Variants in OR9Q1 observed in about 807,000 individuals in gnomAD.
OR9Q1 encodes olfactory receptor family 9 subfamily Q member 1.
For missense variants in OR9Q1, 374 were observed against 378.8 expected (o/e 0.99, Z 0.11); for synonymous variants, 153 against 148.6 (o/e 1.03, Z -0.22).
intron 2 of OR9Q1, among the ~76,000 whole-genome samples, chr11:58,094,416 A>G (rs1565074451): frequency 6.6e-6 from 1 of 152,160 alleles, no homozygotes; most frequent in Non-Finnish European, 1.5e-5. Flanking sequence ...AAAATTACAC[A>G]TGTACCTTTT....
At chr11:58,060,949 G>C (rs950294520) in intron 2 of OR9Q1, among the ~76,000 whole-genome samples, 6 of 152,074 alleles carry the variant, frequency 3.9e-5, no homozygotes, top group Non-Finnish European at 8.8e-5. Context: ...TGGGATCATC[G>C]CCTTTGTCAC....
chr11:58,025,577 G>C (rs1002911894), intron 1 of OR9Q1, among the ~76,000 whole-genome samples: 1 of 152,182 alleles, frequency 6.6e-6, no homozygotes, highest in Non-Finnish European at 1.5e-5. Flanking sequence ...GGGGGGAAGA[G>C]GAGTAGAATT....
intron 2 of OR9Q1, among the ~76,000 whole-genome samples, chr11:58,067,757 G>A (rs750970065): frequency 3.9e-5 from 6 of 152,174 alleles, no homozygotes; most frequent in Non-Finnish European, 8.8e-5. Flanking sequence ...GTGTGGAGAG[G>A]TGGGGTGATT....
At chr11:58,106,786 C>G (rs1266204630) in intron 2 of OR9Q1, among the ~76,000 whole-genome samples, 1 of 152,112 alleles carries the variant, frequency 6.6e-6, no homozygotes, top group East Asian at 1.9e-4. Flanking sequence ...GCACCTTTGT[C>G]AAAGATCAGT....
chr11:58,171,122 T>G (rs1198039486), intron 2 of OR9Q1: 2 of 152,198 alleles, frequency 1.3e-5, no homozygotes, highest in Admixed American at 1.3e-4. Context: ...AAATCCTAGA[T>G]AGTAATAGAT....
At chr11:58,101,998 G>T (rs1853788537) in intron 2 of OR9Q1, among the ~76,000 whole-genome samples, 1 of 151,982 alleles carries the variant, frequency 6.6e-6, no homozygotes, top group African/African-American at 2.4e-5. Flanking sequence ...CACCCCCCTT[G>T]GCTTCCCAAA....
At chr11:58,074,169 CT>C (rs1394802112) in intron 2 of OR9Q1, among the ~76,000 whole-genome samples, 1 of 152,104 alleles carries the variant, frequency 6.6e-6, no homozygotes, top group Non-Finnish European at 1.5e-5. Flanking sequence ...ATTTATCATC[CT>C]TTGGGTATAT....
intron 2 of OR9Q1, among the ~76,000 whole-genome samples, chr11:58,100,307 C>T (rs879309401): frequency 6.6e-6 from 1 of 152,332 alleles, no homozygotes; most frequent in Non-Finnish European, 1.5e-5. Flanking sequence ...AATGGCAACA[C>T]ATACCCTTAA....
At chr11:58,097,473 AC>A (rs1332714519) in intron 2 of OR9Q1, among the ~76,000 whole-genome samples, 1 of 152,240 alleles carries the variant, frequency 6.6e-6, no homozygotes, top group African/African-American at 2.4e-5. Flanking sequence ...TGGAAGCCAT[AC>A]GAAGAAACTG....
At chr11:58,055,625 C>T (rs550004673) in intron 1 of OR9Q1, among the ~76,000 whole-genome samples, 93 of 151,812 alleles carry the variant, frequency 6.1e-4, no homozygotes, top group Non-Finnish European at 1.2e-3. Context: ...ATAGTGAAAC[C>T]CCATGTTTGC....
chr11:58,134,084 CTCT>C (rs1010384457), intron 2 of OR9Q1, among the ~76,000 whole-genome samples: 3 of 152,172 alleles, frequency 2.0e-5, no homozygotes, highest in Non-Finnish European at 4.4e-5. Flanking sequence ...GGCTGAGAAG[CTCT>C]AAGGAGGTTA....
chr11:58,056,970 A>G (rs188228885), intron 2 of OR9Q1, among the ~76,000 whole-genome samples: 68 of 145,048 alleles, frequency 4.7e-4, no homozygotes, highest in Admixed American at 5.6e-4. Context: ...TAAGGCTTCC[A>G]TGGTTATACA....
intron 2 of OR9Q1, among the ~76,000 whole-genome samples, chr11:58,177,977 A>T (rs1168686110): frequency 6.6e-6 from 1 of 152,182 alleles, no homozygotes; most frequent in Non-Finnish European, 1.5e-5. Context: ...GAGGTGTTCT[A>T]GGCAGAAGGG....
At position 58,179,704 on chromosome 11, in the gene OR9Q1, A is replaced by C; in HGVS notation, c.260A>C (p.Glu87Ala). 1 of 1,614,136 alleles carries C rather than the reference A, an allele frequency of 6.2e-7. No individual in the cohort carries two copies. Among genetic ancestry groups the C allele is most frequent in the Admixed American group, 1.7e-5 (1 of 60,016 alleles). The change falls in exon 3 of 3, where the codon GAG becomes GCG. Residue 87 changes from glutamate (E) to alanine (A), a missense_variant. By Grantham distance (107) the Glu-to-Ala change is moderately radical. Coordinates refer to ENST00000335397, the MANE Select transcript of OR9Q1 (RefSeq NM_001005212.4). ...CCCCAGATGCTGGCAGTGCTGCTGGAGCATGGGGCAGCTTTATCTTACACA... is the reference window on the plus strand; with the variant it reads ...CCCCAGATGCTGGCAGTGCTGCTGGCGCATGGGGCAGCTTTATCTTACACA... ...TVPQMLAVLL[E>A]HGAALSYTRC...
chr11:58,054,378 A>G (rs1853306411), intron 1 of OR9Q1, among the ~76,000 whole-genome samples: 1 of 152,040 alleles, frequency 6.6e-6, no homozygotes, highest in Non-Finnish European at 1.5e-5. Context: ...CTTTCCTTCT[A>G]CTGTTCTTTT....
rs141758507 is a variant in OR9Q1, at chr11:58,126,942, ATATTGT to A, written c.-14-52474_-14-52469del. The stretch of plus-strand genomic sequence containing the variant: ...ATAATCATTACTATTGTTATCTTTA[ATATTGT>A]TATTGTTATTGTTAAGCATTTCACC... On this transcript the variant is annotated intron_variant, in intron 2 of 2. Coordinates refer to ENST00000335397, the MANE Select transcript of OR9Q1 (RefSeq NM_001005212.4). Among the ~76,000 whole-genome samples the A allele has an allele frequency of 1.0e-2, 1,514 of 152,054 alleles. 33 individuals carry two copies. Among genetic ancestry groups the A allele is most frequent in the African/African-American group, 0.035 (1,432 of 41,438 alleles).
chr11:58,172,921 T>G (rs980511104), intron 2 of OR9Q1, among the ~76,000 whole-genome samples: 7 of 152,166 alleles, frequency 4.6e-5, no homozygotes, highest in Non-Finnish European at 1.0e-4. Context: ...ATTCATTCTA[T>G]TATTTTGTAC....
chr11:58,158,423 T>C (rs956006300), intron 2 of OR9Q1, among the ~76,000 whole-genome samples: 150 of 1,146 alleles, frequency 0.13, 1 homozygote, highest in Middle Eastern at 0.5. Context: ...TAGGTCTGCT[T>C]TTTTTTTTTT....
intron 2 of OR9Q1, among the ~76,000 whole-genome samples, chr11:58,103,468 A>C (rs188093851): frequency 6.6e-6 from 1 of 152,178 alleles, no homozygotes; most frequent in East Asian, 1.9e-4. Context: ...CTCTTTGTTA[A>C]ATTTTTCACT....
Sources: allele counts gnomAD v4.1 joint callset (sites outside exome capture counted in the v4.1 genomes callset), GRCh38; gene constraint gnomAD v4.1.1; transcripts MANE v1.5; gene names NCBI Gene and HGNC (gene_info 2026-07-23, HGNC 2026-07-21).